Variants in MARCHF1 observed in about 807,000 individuals in gnomAD.
The protein encoded by MARCHF1 is E3 ubiquitin-protein ligase MARCHF1.
MARCHF1 carries 40 observed loss-of-function variants against 54.2 expected under a neutral mutation model. The ratio of observed to expected loss-of-function variants is 0.74; its 90% confidence interval spans 0.57 to 0.96. MARCHF1 has a LOEUF of 0.96. Among genes scored for constraint, MARCHF1 ranks in the 40% least tolerant of loss-of-function variants. The pLI, the probability that MARCHF1 is intolerant of heterozygous loss-of-function variation, is 0.00. For missense variants in MARCHF1, 586 were observed against 656.5 expected (o/e 0.89, Z 1.17); for synonymous variants, 236 against 236.3 (o/e 1.00, Z 0.01).
At chr4:163,714,947 G>A (rs1258831356) in intron 4 of MARCHF1, among the ~76,000 whole-genome samples, 2 of 152,142 alleles carry the variant, frequency 1.3e-5, no homozygotes, top group Non-Finnish European at 2.9e-5. Flanking sequence ...CTCCCAAAGT[G>A]CTGAGATTAT....
intron 1 of MARCHF1, among the ~76,000 whole-genome samples, chr4:164,200,909 G>C (rs932933926): frequency 1.3e-5 from 2 of 152,106 alleles, no homozygotes; most frequent in African/African-American, 4.8e-5. Flanking sequence ...CTGGAGTGGA[G>C]AGCATTCCAG....
chr4:163,826,263 T>C (rs1748844404), intron 4 of MARCHF1, among the ~76,000 whole-genome samples: 1 of 152,108 alleles, frequency 6.6e-6, no homozygotes, highest in Non-Finnish European at 1.5e-5. Context: ...ACATTGGCAA[T>C]TTACTTGCCC....
intron 4 of MARCHF1, among the ~76,000 whole-genome samples, chr4:163,819,431 T>G (rs556529807): frequency 6.0e-4 from 91 of 152,116 alleles, no homozygotes; most frequent in Non-Finnish European, 1.2e-3. Flanking sequence ...GAGCTTTGCA[T>G]AAGAAAGTGT....
At chr4:164,064,518 T>A (rs1322642146) in intron 2 of MARCHF1, among the ~76,000 whole-genome samples, 1 of 152,224 alleles carries the variant, frequency 6.6e-6, no homozygotes, top group Non-Finnish European at 1.5e-5. Flanking sequence ...TAGACTTTGC[T>A]GAAGTTGCTT....
chr4:164,298,980 G>A (rs533561010), intron 1 of MARCHF1, among the ~76,000 whole-genome samples: 2 of 152,192 alleles, frequency 1.3e-5, no homozygotes, highest in South Asian at 4.1e-4. Flanking sequence ...TGTATAAAAA[G>A]TAGTTTCCAG....
chr4:164,299,169 A>G (rs1163425911), intron 1 of MARCHF1, among the ~76,000 whole-genome samples: 1 of 152,130 alleles, frequency 6.6e-6, no homozygotes, highest in Non-Finnish European at 1.5e-5. Flanking sequence ...GGTGCCCACT[A>G]TGTTCTGGGC....
At chr4:164,139,809 C>T (rs1756483455) in intron 1 of MARCHF1, among the ~76,000 whole-genome samples, 1 of 151,980 alleles carries the variant, frequency 6.6e-6, no homozygotes, top group African/African-American at 2.4e-5. Flanking sequence ...ATTATAAATG[C>T]TAAAAATAAT....
At chr4:164,173,470 C>T (rs894019211) in intron 1 of MARCHF1, among the ~76,000 whole-genome samples, 2 of 152,062 alleles carry the variant, frequency 1.3e-5, no homozygotes, top group Admixed American at 1.3e-4. Context: ...TAATGGCAGA[C>T]GCAATTCAAT....
intron 4 of MARCHF1, among the ~76,000 whole-genome samples, chr4:163,817,090 A>C (rs866405576): frequency 6.6e-6 from 1 of 152,046 alleles, no homozygotes; most frequent in African/African-American, 2.4e-5. Context: ...GCAATTTTAC[A>C]TAAGTTGCAT....
At chr4:163,700,634 T>A (rs1744782538) in intron 5 of MARCHF1, among the ~76,000 whole-genome samples, 179 bp downstream of exon 5, 1 of 152,102 alleles carries the variant, frequency 6.6e-6, no homozygotes, top group African/African-American at 2.4e-5. Context: ...AGCCTACTTA[T>A]TTTCTTGCGT....
At chr4:163,543,711 A>G (rs551830414) in intron 9 of MARCHF1, among the ~76,000 whole-genome samples, 1 of 152,296 alleles carries the variant, frequency 6.6e-6, no homozygotes, top group East Asian at 1.9e-4. Flanking sequence ...ATTGCTATTC[A>G]GTCACATGTC....
At chr4:163,997,606 T>C (rs1472233923) in intron 2 of MARCHF1, among the ~76,000 whole-genome samples, 6 of 152,022 alleles carry the variant, frequency 3.9e-5, no homozygotes, top group African/African-American at 1.4e-4. Context: ...TGACATTAGA[T>C]ATTGTGTTTA....
At chr4:163,869,624 C>T (rs1750127884) in intron 3 of MARCHF1, among the ~76,000 whole-genome samples, 1 of 151,938 alleles carries the variant, frequency 6.6e-6, no homozygotes, top group South Asian at 2.1e-4. Flanking sequence ...TAGAAAAATG[C>T]TGATACAAGA....
intron 5 of MARCHF1, among the ~76,000 whole-genome samples, chr4:163,689,531 T>G (rs548691778): frequency 1.1e-4 from 17 of 152,328 alleles, no homozygotes; most frequent in African/African-American, 3.8e-4. Context: ...ATTTTTAAAA[T>G]TTTATATAAT....
chr4:163,881,009 A>G (rs533485229), intron 3 of MARCHF1, among the ~76,000 whole-genome samples: 1 of 152,192 alleles, frequency 6.6e-6, no homozygotes, highest in Non-Finnish European at 1.5e-5. Flanking sequence ...TTAAATTAGG[A>G]ATAGGGATAA....
intron 1 of MARCHF1, chr4:164,188,711 A>G (rs1731043733): frequency 9.4e-7 from 1 of 1,065,986 alleles, no homozygotes; most frequent in Middle Eastern, 2.0e-4. Flanking sequence ...GCAGCAGGAC[A>G]TCAAGTTCTT....
chr4:164,245,215 T>C (rs946385602), intron 1 of MARCHF1, among the ~76,000 whole-genome samples: 2 of 152,134 alleles, frequency 1.3e-5, no homozygotes, highest in Admixed American at 1.3e-4. Context: ...CCCAATAAAA[T>C]ACTGGCAAAA....
chr4:163,765,759 ATAACT>A (rs2110844545), intron 4 of MARCHF1, among the ~76,000 whole-genome samples: 1 of 151,462 alleles, frequency 6.6e-6, no homozygotes, highest in South Asian at 2.1e-4. Flanking sequence ...GTATCCTGAA[ATAACT>A]TAACATATTT....
chr4:163,913,871 C>G (rs1751248914), intron 3 of MARCHF1, among the ~76,000 whole-genome samples: 1 of 152,168 alleles, frequency 6.6e-6, no homozygotes, highest in Non-Finnish European at 1.5e-5. Context: ...TGATCAGACT[C>G]TTGGCTTTCA....
Sources: allele counts gnomAD v4.1 joint callset (sites outside exome capture counted in the v4.1 genomes callset), GRCh38; gene constraint gnomAD v4.1.1; transcripts MANE v1.5; gene names NCBI Gene and HGNC (gene_info 2026-07-23, HGNC 2026-07-21).